Variants in DAB1 observed in about 807,000 individuals in gnomAD.
The protein encoded by DAB1 is disabled homolog 1.
DAB1 carries 15 observed loss-of-function variants against 64.6 expected under a neutral mutation model. The ratio of observed to expected loss-of-function variants is 0.23; its 90% CI spans 0.16 to 0.36. The LOEUF (loss-of-function observed/expected upper bound fraction) is 0.36, where lower values mean the gene tolerates loss of function less well. Ranked by LOEUF, DAB1 falls within the 10% of genes least tolerant of loss-of-function variation. The pLI is 1.00. For synonymous variants in DAB1, 235 were observed against 251.9 expected, an observed-to-expected ratio of 0.93 and a Z score of 0.64; for missense variants, 596 against 706.7, an observed-to-expected ratio of 0.84 and a Z score of 1.78.
intron 7 of DAB1, among the ~76,000 whole-genome samples, chr1:57,603,454 C>T (rs967891624): frequency 6.6e-6 from 1 of 152,180 alleles, no homozygotes; most frequent in Non-Finnish European, 1.5e-5. Context: ...TGTCAGATAG[C>T]GTGAAGCCTG....
intron 3 of DAB1, among the ~76,000 whole-genome samples, chr1:58,448,563 G>C (rs988410673): frequency 2.6e-5 from 4 of 152,196 alleles, no homozygotes; most frequent in Non-Finnish European, 5.9e-5. Context: ...TTCCAAGATG[G>C]GGGGCTGGCC....
intron 3 of DAB1, among the ~76,000 whole-genome samples, chr1:58,422,392 T>G (rs557039616): frequency 2.6e-4 from 40 of 151,982 alleles, no homozygotes; most frequent in African/African-American, 8.9e-4. Flanking sequence ...AAAATGGAAT[T>G]TATTACACTG....
intron 9 of DAB1, among the ~76,000 whole-genome samples, chr1:57,057,860 G>A (rs932123341): frequency 2.6e-5 from 4 of 152,080 alleles, no homozygotes; most frequent in Admixed American, 1.3e-4. Context: ...CGCCCGCCTT[G>A]GCCTCCCAAA....
At chr1:57,119,853 A>C (rs1656478030) in intron 4 of DAB1, among the ~76,000 whole-genome samples, 1 of 152,168 alleles carries the variant, frequency 6.6e-6, no homozygotes, top group South Asian at 2.1e-4. Flanking sequence ...TTGACTGCCC[A>C]ATCAGTCTCC....
At chr1:58,047,061 T>C (rs1449512347) in intron 5 of DAB1, among the ~76,000 whole-genome samples, 1 of 152,222 alleles carries the variant, frequency 6.6e-6, no homozygotes, top group African/African-American at 2.4e-5. Flanking sequence ...TGACATGATA[T>C]TTGTATAATA....
chr1:57,429,033 C>T (rs1468232972), upstream of DAB1, among the ~76,000 whole-genome samples: 1 of 151,882 alleles, frequency 6.6e-6, no homozygotes, highest in Non-Finnish European at 1.5e-5. Context: ...CTGCTTCAGC[C>T]TCCCAAGTAT....
intron 5 of DAB1, among the ~76,000 whole-genome samples, chr1:57,937,196 C>A (rs1570029492): frequency 6.6e-6 from 1 of 152,044 alleles, no homozygotes; most frequent in East Asian, 1.9e-4. Flanking sequence ...GATCTTGGGA[C>A]TATGTGATGA....
At chr1:57,815,211 G>GA (rs1651799635) in intron 6 of DAB1, among the ~76,000 whole-genome samples, 1 of 151,980 alleles carries the variant, frequency 6.6e-6, no homozygotes, top group Non-Finnish European at 1.5e-5. Flanking sequence ...TTGGACTACA[G>GA]GCACCCGCCA....
At chr1:57,769,075 C>T (rs1001978183) in intron 6 of DAB1, among the ~76,000 whole-genome samples, 1 of 152,138 alleles carries the variant, frequency 6.6e-6, no homozygotes, top group Non-Finnish European at 1.5e-5. Flanking sequence ...GGAGCACCTA[C>T]AGGGAGCTGT....
At chr1:57,144,415 G>A (rs951065906) in intron 3 of DAB1, among the ~76,000 whole-genome samples, 1 of 151,780 alleles carries the variant, frequency 6.6e-6, no homozygotes, top group Non-Finnish European at 1.5e-5. Context: ...CTAATTTCTG[G>A]CCGGGCACAG....
In DAB1 at chr1:58,306,821, C is replaced by A. The variant is rs191870664; in HGVS notation, n.309+36531G>T. 2.6e-3 allele frequency among the ~76,000 whole-genome samples: 394 copies of A among 152,296 alleles called. 5 individuals are homozygous for A. Among genetic ancestry groups the A allele is most frequent in the African/African-American group, 8.4e-3 (350 of 41,558 alleles). On this transcript the variant is annotated intron_variant and non_coding_transcript_variant, in intron 4 of 20. Transcript: ENST00000485760. ...GCCCACAGTATTGACCTGTCTCTCT[C>A]CCCTGTCTCACTTTTTTACATACTC...
At chr1:57,793,662 T>C (rs1252327492) in intron 6 of DAB1, among the ~76,000 whole-genome samples, 3 of 152,148 alleles carry the variant, frequency 2.0e-5, no homozygotes, top group African/African-American at 7.2e-5. Flanking sequence ...TAAGTTCTGG[T>C]TTGTCTACTA....
chr1:57,030,006 C>A (rs1449516838), intron 9 of DAB1, among the ~76,000 whole-genome samples: 2 of 152,070 alleles, frequency 1.3e-5, no homozygotes, highest in African/African-American at 4.8e-5. Flanking sequence ...GGGCCAGGGG[C>A]AGAATGATAT....
At chr1:57,987,792 T>C (rs868746434) in intron 5 of DAB1, among the ~76,000 whole-genome samples, 1 of 152,092 alleles carries the variant, frequency 6.6e-6, no homozygotes. Flanking sequence ...GGGGAGGGAA[T>C]GGAGAGTGCT....
At chr1:56,999,777 T>A (rs1265251547) in intron 14 of DAB1, among the ~76,000 whole-genome samples, 2 of 152,194 alleles carry the variant, frequency 1.3e-5, no homozygotes, top group African/African-American at 4.8e-5. Flanking sequence ...ACTCCTGCCA[T>A]CAGATCCAAT....
chr1:58,269,349 A>AT (rs1353603155), intron 4 of DAB1, among the ~76,000 whole-genome samples: 1 of 150,774 alleles, frequency 6.6e-6, no homozygotes, highest in Non-Finnish European at 1.5e-5. Context: ...TGAACTCATC[A>AT]TTTTTTATGG....
At chr1:57,202,479 T>A (rs1196451567) in intron 2 of DAB1, among the ~76,000 whole-genome samples, 1 of 152,180 alleles carries the variant, frequency 6.6e-6, no homozygotes, top group Admixed American at 6.5e-5. Context: ...TAAGATCCGT[T>A]TACCTGCATT....
At chr1:57,135,592 A>G (rs1290601745) in intron 4 of DAB1, among the ~76,000 whole-genome samples, 2 of 152,200 alleles carry the variant, frequency 1.3e-5, no homozygotes, top group Non-Finnish European at 2.9e-5. Context: ...TTCTATTACT[A>G]GTTATTTAGG....
At chr1:57,749,242 C>A (rs1294300105) in intron 6 of DAB1, among the ~76,000 whole-genome samples, 1 of 152,210 alleles carries the variant, frequency 6.6e-6, no homozygotes, top group African/African-American at 2.4e-5. Context: ...CACTACCCGA[C>A]AGCCAGTGAA....
Sources: gnomAD v4.1 joint callset for allele counts (sites outside exome capture counted in the v4.1 genomes callset) on GRCh38, gnomAD v4.1.1 for gene constraint, MANE v1.5 for transcripts, NCBI Gene and HGNC (gene_info 2026-07-23, HGNC 2026-07-21) for gene names.